Variants in MGAM observed in about 807,000 individuals in gnomAD.
The protein encoded by MGAM is maltase-glucoamylase, also known as alpha-1,4-glucosidase.
A neutral mutation model predicts 358.8 loss-of-function variants in MGAM; 253 were observed. That is an observed-to-expected ratio of 0.71 (90% confidence interval 0.64 to 0.78). The LOEUF (loss-of-function observed/expected upper bound fraction) is 0.78, where lower values mean the gene tolerates loss of function less well. Among genes scored for constraint, MGAM ranks in the 30% least tolerant of loss-of-function variants. The probability of loss-of-function intolerance (pLI) is 0.00; values close to 1 mark genes in which losing one functional copy is unlikely to be tolerated. For synonymous variants in MGAM, 1,105 were observed against 1,227.1 expected (o/e 0.90, Z 2.08); for missense variants, 3,080 against 3,432.6 (o/e 0.90, Z 2.57).
chr7:142,054,950 C>A (rs768561002), intron 27 of MGAM, 42 bp downstream of exon 27: 2 of 1,597,492 alleles, frequency 1.3e-6, no homozygotes, highest in East Asian at 4.5e-5. Context: ...TGGCTACCTG[C>A]GCCTTCGCTG....
chr7:142,052,300 A>C lies in MGAM; in HGVS notation c.2812A>C (p.Ile938Leu), dbSNP rs1306564536. 8 of 1,603,886 alleles carry C rather than the reference A, an allele frequency of 5.0e-6. No individual in the cohort carries two copies. Among genetic ancestry groups the C allele is most frequent in the Non-Finnish European group, 6.0e-6 (7 of 1,174,682 alleles). The change falls in exon 25 of 71, where the codon ATT (isoleucine) becomes CTT (leucine). Residue 938 changes from isoleucine (I) to leucine (L), a missense_variant. Physicochemically the swap from Ile to Leu is conservative, Grantham distance 5. Transcript: ENST00000475668. Reference protein sequence around the residue: ...VTYDSNLKVAIITDIDLLLGE... With the variant: ...VTYDSNLKVALITDIDLLLGE... ...GATTTCCACATTCCTACAGGTTGCC[A>C]TTATCACAGATATTGATCTTCTCCT...
At chr7:142,024,604 G>C (rs1806781762) in intron 7 of MGAM, among the ~76,000 whole-genome samples, 1 of 151,972 alleles carries the variant, frequency 6.6e-6, no homozygotes, top group African/African-American at 2.4e-5. Flanking sequence ...ATTGGTCTGG[G>C]GTGCAGTCTA....
chr7:142,102,517 C>A, intron 68 of MGAM, 113 bp from the exon 69 acceptor site: 3 of 984,136 alleles, frequency 3.0e-6, no homozygotes, highest in South Asian at 1.7e-5. Context: ...CAAAGATAAG[C>A]CTTACTCTCT....
intron 3 of MGAM, among the ~76,000 whole-genome samples, chr7:142,016,940 T>C (rs1354695187): frequency 1.3e-5 from 2 of 152,218 alleles, no homozygotes; most frequent in African/African-American, 4.8e-5. Flanking sequence ...TTTTGTGAGC[T>C]TTAGTTTAGG....
chr7:142,092,753 C>T, intron 59 of MGAM, 145 bp downstream of exon 59: 1 of 803,502 alleles, frequency 1.2e-6, no homozygotes, highest in Non-Finnish European at 1.9e-6. Context: ...GACAAAAGCT[C>T]TGCACGCGCT....
chr7:141,997,253 A>G (rs1554448989), intron 1 of MGAM, among the ~76,000 whole-genome samples: 1 of 152,126 alleles, frequency 6.6e-6, no homozygotes, highest in African/African-American at 2.4e-5. Context: ...CAAACTGTCT[A>G]CAGTCTGTGT....
chr7:142,090,155 G>T (rs1159723157), intron 57 of MGAM, among the ~76,000 whole-genome samples: 5 of 146,170 alleles, frequency 3.4e-5, no homozygotes, highest in African/African-American at 1.2e-4. Context: ...ACAAAGGCAA[G>T]ACTTGAATAT....
chr7:142,100,381 A>C (rs1315656322), intron 67 of MGAM, among the ~76,000 whole-genome samples: 1 of 152,204 alleles, frequency 6.6e-6, no homozygotes, highest in Non-Finnish European at 1.5e-5. Flanking sequence ...ATCAATACTA[A>C]CATTCTTAGA....
At chr7:142,093,160 G>C (rs1406474669) in intron 59 of MGAM, among the ~76,000 whole-genome samples, 1 of 146,598 alleles carries the variant, frequency 6.8e-6, no homozygotes, top group East Asian at 2.0e-4. Context: ...ATAAGAGCCT[G>C]TCATATAGTG....
chr7:142,055,765 C>T, intron 28 of MGAM, 39 bp downstream of exon 28: 4 of 1,610,972 alleles, frequency 2.5e-6, no homozygotes, highest in Non-Finnish European at 3.4e-6. Flanking sequence ...CTCTGCTTCT[C>T]TCCACCCACA....
chr7:142,015,996 A>G (rs1805932472), intron 3 of MGAM, among the ~76,000 whole-genome samples: 1 of 152,146 alleles, frequency 6.6e-6, no homozygotes, highest in Admixed American at 6.5e-5. Context: ...CTTGGTTATT[A>G]TTCGTTTAAT....
chr7:142,026,309 C>A (rs1465559411), intron 8 of MGAM, among the ~76,000 whole-genome samples: 4 of 151,966 alleles, frequency 2.6e-5, no homozygotes, highest in Admixed American at 1.3e-4. Context: ...TGTGGTGGGA[C>A]ATGTTCTGTG....
chr7:142,048,522 A>ATTTTTTTTTTTTTTTTTTTTTTTTTTTTT (rs1810636561), intron 22 of MGAM, among the ~76,000 whole-genome samples: 3 of 54,616 alleles, frequency 5.5e-5, no homozygotes, highest in Non-Finnish European at 1.3e-4. Context: ...CCCAATGTTA[A>ATTTTTTTTTTTTTTTTTTTTTTTTTTTTT]TGTCTTCCTC....
At chr7:142,088,992 GTATGTATCTATCTATCTATC>G (rs942252785) in intron 57 of MGAM, among the ~76,000 whole-genome samples, 13 of 64,412 alleles carry the variant, frequency 2.0e-4, no homozygotes, top group African/African-American at 6.4e-4. Context: ...ATGTATGTAT[GTATGTATCTATCTATCTATC>G]TATCTATCTA....
rs192949188 is a variant in MGAM at position 142,076,313 on chromosome 7, G to C, written c.5325+61G>C. The C allele has an allele frequency of 8.6e-5, 116 of 1,350,124 alleles. 4 individuals carry two copies. The African/African-American group carries it at 1.1e-3, about 13-fold the overall frequency. The allele number at this position is 1,350,124 out of a possible 1,614,324, so 83.6% of individuals were successfully genotyped here. ...CTTTGGACTGACCATTAGCACATCT[G>C]TGCTTGTGTATATGTGTGATTATAT... On this transcript the variant is annotated intron_variant, in intron 46 of 70. Transcript: ENST00000475668.
intron 13 of MGAM, among the ~76,000 whole-genome samples, chr7:142,032,608 C>T (rs1554464189): frequency 1.3e-5 from 2 of 151,930 alleles, no homozygotes; most frequent in Admixed American, 1.3e-4. Flanking sequence ...TCATTTTCAG[C>T]GATTATAGAC....
chr7:141,991,452 GA>G (rs1276379852), upstream of MGAM, among the ~76,000 whole-genome samples: 8 of 142,760 alleles, frequency 5.6e-5, no homozygotes, highest in South Asian at 1.3e-3. Flanking sequence ...TTTTTTTTTT[GA>G]GACAGAATCT....
In MGAM at chr7:142,036,672, A is replaced by C. The variant is rs542249806; in HGVS notation, c.2077-151A>C. 23 of 747,522 alleles carry C rather than the reference A, an allele frequency of 3.1e-5. No individual in the cohort carries two copies. In the African/African-American group the frequency reaches 3.9e-4, roughly 13 times the overall value. The allele number at this position is 747,522 out of a possible 1,614,324, so 46.3% of individuals were successfully genotyped here. On this transcript the variant is annotated intron_variant, in intron 17 of 70. Coordinates refer to ENST00000475668, the MANE Select transcript of MGAM (RefSeq NM_001365693.1). The stretch of plus-strand genomic sequence containing the variant: ...TTGAATCGAAAACTCAAGGAGAGAC[A>C]CTTGGTACTACTCAGAAGCGAGGTT...
At chr7:142,076,291 T>C in intron 46 of MGAM, 39 bp downstream of exon 46, 1 of 1,445,312 alleles carries the variant, frequency 6.9e-7, no homozygotes, top group South Asian at 1.1e-5. Context: ...GTGTGGGCTT[T>C]GGACTGACCA....
Sources: allele counts gnomAD v4.1 joint callset (sites outside exome capture counted in the v4.1 genomes callset), GRCh38; gene constraint gnomAD v4.1.1; transcripts MANE v1.5; gene names NCBI Gene and HGNC (gene_info 2026-07-23, HGNC 2026-07-21).